Variants in ZNF248 observed in about 807,000 individuals in gnomAD.
The protein encoded by ZNF248 is KRAB protein domain.
In ZNF248, 20 loss-of-function variants were observed where a neutral mutation model predicts 44.3. The ratio of observed to expected loss-of-function variants is 0.45; its 90% CI spans 0.32 to 0.66. The LOEUF (loss-of-function observed/expected upper bound fraction) is 0.66, where lower values mean the gene tolerates loss of function less well. ZNF248 is among the 30% of genes least tolerant of loss of function. The pLI, the probability that ZNF248 is intolerant of heterozygous loss-of-function variation, is 0.04. For missense variants in ZNF248, 654 were observed against 677.0 expected, an observed-to-expected ratio of 0.97 and a Z score of 0.38; for synonymous variants, 224 against 229.0, an observed-to-expected ratio of 0.98 and a Z score of 0.20.
chr10:37,772,483 T>C (rs2046294964), downstream of ZNF248, among the ~76,000 whole-genome samples: 3 of 152,140 alleles, frequency 2.0e-5, no homozygotes, highest in Non-Finnish European at 4.4e-5. Context: ...CAGACCCCTT[T>C]GGGATGTTGC....
chr10:37,856,435 G>T lies in ZNF248; in HGVS notation c.-28C>A. 6.8e-7 allele frequency: 1 copy of T among 1,471,836 alleles called. No homozygotes were observed. The highest frequency in any genetic ancestry group is 9.0e-7 in the Non-Finnish European group (1 of 1,107,554). 91.2% of individuals were successfully genotyped at this position (1,471,836 alleles called of 1,614,324 possible). ...ACAGGTCCACACACAAGATACTTAC[G>T]TGTCCATGTGTGGCTCCGATATATG... On this transcript the variant is annotated splice_region_variant and 5_prime_UTR_variant, in exon 2 of 6. Coordinates refer to ENST00000395867, the MANE Select transcript of ZNF248 (RefSeq NM_021045.3).
intron 6 of ZNF248, among the ~76,000 whole-genome samples, chr10:37,789,868 A>G (rs2048297261): frequency 6.6e-6 from 1 of 152,198 alleles, no homozygotes; most frequent in Non-Finnish European, 1.5e-5. Flanking sequence ...CCTCCAGCTT[A>G]GTTTACTAAG....
the ZNF248 span, among the ~76,000 whole-genome samples, chr10:37,770,270 C>A: frequency 6.6e-6 from 1 of 152,194 alleles, no homozygotes; most frequent in Non-Finnish European, 1.5e-5. Flanking sequence ...TTGGAAAAAA[C>A]TACTTTAAAG....
intron 6 of ZNF248, among the ~76,000 whole-genome samples, chr10:37,805,008 G>A (rs1208684): frequency 0.48 from 72,975 of 151,946 alleles, 17,858 homozygotes; most frequent in East Asian, 0.55. Context: ...ACTCCTAAAA[G>A]AAGATATAGT....
At chr10:37,848,360 GA>G (rs1219311409) in intron 3 of ZNF248, among the ~76,000 whole-genome samples, 2 of 152,092 alleles carry the variant, frequency 1.3e-5, no homozygotes, top group Non-Finnish European at 2.9e-5. Context: ...GAGATGGACA[GA>G]TCGCCTGAGC....
At chr10:37,806,256 A>C (rs1398957999) in intron 6 of ZNF248, among the ~76,000 whole-genome samples, 1 of 152,202 alleles carries the variant, frequency 6.6e-6, no homozygotes, top group African/African-American at 2.4e-5. Flanking sequence ...TAGTAATTCT[A>C]ATTTTATGAG....
At chr10:37,785,839 T>C (rs1157947955) in intron 6 of ZNF248, among the ~76,000 whole-genome samples, 2 of 152,160 alleles carry the variant, frequency 1.3e-5, no homozygotes, top group African/African-American at 4.8e-5. Flanking sequence ...GGTAAATAGA[T>C]TGATTGGTTG....
At chr10:37,783,202 T>G (rs2047514458) in intron 6 of ZNF248, among the ~76,000 whole-genome samples, 1 of 152,126 alleles carries the variant, frequency 6.6e-6, no homozygotes, top group Admixed American at 6.6e-5. Flanking sequence ...TGGTGCCAAG[T>G]TTACAGCCAA....
chr10:37,765,300 A>C, the ZNF248 span, among the ~76,000 whole-genome samples: 1 of 152,112 alleles, frequency 6.6e-6, no homozygotes, highest in Non-Finnish European at 1.5e-5. Context: ...CTGTTTAGGG[A>C]ATGGAATTAT....
chr10:37,793,540 T>G (rs917136729), intron 6 of ZNF248, among the ~76,000 whole-genome samples: 1 of 152,160 alleles, frequency 6.6e-6, no homozygotes, highest in Non-Finnish European at 1.5e-5. Flanking sequence ...AATAAAAGTG[T>G]TGAAAGATAT....
chr10:37,770,429 G>A, the ZNF248 span, among the ~76,000 whole-genome samples: 1 of 152,048 alleles, frequency 6.6e-6, no homozygotes, highest in Admixed American at 6.6e-5. Flanking sequence ...AACAGATATA[G>A]ATCAATAGAA....
chr10:37,780,862 C>G (rs962722714), intron 6 of ZNF248, among the ~76,000 whole-genome samples: 1 of 152,114 alleles, frequency 6.6e-6, no homozygotes, highest in African/African-American at 2.4e-5. Flanking sequence ...AATCCGCTCC[C>G]GGAGTGGTGT....
downstream of ZNF248, among the ~76,000 whole-genome samples, chr10:37,826,989 G>T (rs975767616): frequency 2.0e-5 from 3 of 152,158 alleles, no homozygotes; most frequent in African/African-American, 7.2e-5. Flanking sequence ...CAATATGTGG[G>T]TGAGGTGGGT....
downstream of ZNF248, among the ~76,000 whole-genome samples, chr10:37,824,774 C>G (rs1310937459): frequency 1.4e-5 from 2 of 144,404 alleles, no homozygotes; most frequent in South Asian, 2.2e-4. Context: ...CTCCACCTCT[C>G]CGGTTCACAC....
chr10:37,767,918 G>A, the ZNF248 span, among the ~76,000 whole-genome samples: 1 of 152,068 alleles, frequency 6.6e-6, no homozygotes, highest in African/African-American at 2.4e-5. Context: ...TCAAAATAAA[G>A]GGATGGAGGA....
chr10:37,810,927 T>C (rs530353502), intron 6 of ZNF248, among the ~76,000 whole-genome samples: 1 of 152,318 alleles, frequency 6.6e-6, no homozygotes, highest in African/African-American at 2.4e-5. Flanking sequence ...GCTTAAAATA[T>C]CATGTAAAGC....
intron 3 of ZNF248, among the ~76,000 whole-genome samples, chr10:37,844,950 T>TC (rs982217673): frequency 4.2e-5 from 1 of 23,800 alleles, no homozygotes; most frequent in African/African-American, 1.9e-4. Flanking sequence ...CCCCCTTCCC[T>TC]CCCCCCTTCC....
chr10:37,853,885 T>C (rs953724217), intron 3 of ZNF248, among the ~76,000 whole-genome samples: 1 of 152,026 alleles, frequency 6.6e-6, no homozygotes, highest in East Asian at 1.9e-4. Context: ...AGATGAAGCA[T>C]GATATTGCAA....
chr10:37,811,109 A>G (rs1352162130), intron 6 of ZNF248, among the ~76,000 whole-genome samples: 1 of 152,236 alleles, frequency 6.6e-6, no homozygotes, highest in Non-Finnish European at 1.5e-5. Context: ...AGTGCTCCCA[A>G]GAAGCAGAGA....
Sources: allele counts gnomAD v4.1 joint callset (sites outside exome capture counted in the v4.1 genomes callset), GRCh38; gene constraint gnomAD v4.1.1; transcripts MANE v1.5; gene names NCBI Gene and HGNC (gene_info 2026-07-23, HGNC 2026-07-21).